LARS2: variants seen among roughly 807,000 people sequenced by gnomAD.
The protein encoded by LARS2 is leucine--tRNA ligase, mitochondrial.
A neutral mutation model predicts 116.6 loss-of-function variants in LARS2; 81 were observed. The ratio of observed to expected loss-of-function variants is 0.69; its 90% confidence interval spans 0.58 to 0.84. LARS2 has a LOEUF of 0.84. Among genes scored for constraint, LARS2 ranks in the 40% least tolerant of loss-of-function variants. The pLI is 0.00. For synonymous variants in LARS2, 396 were observed against 407.2 expected, an observed-to-expected ratio of 0.97 and a Z score of 0.33; for missense variants, 968 against 1,114.5, an observed-to-expected ratio of 0.87 and a Z score of 1.87.
intron 3 of LARS2, among the ~76,000 whole-genome samples, chr3:45,395,853 T>C (rs770083821): frequency 6.6e-6 from 1 of 151,958 alleles, no homozygotes; most frequent in African/African-American, 2.4e-5. Flanking sequence ...ACAAGTAAAA[T>C]GAAATGAAAA....
At chr3:45,510,836 G>A (rs1038420600) in intron 15 of LARS2, among the ~76,000 whole-genome samples, 8 of 152,188 alleles carry the variant, frequency 5.3e-5, no homozygotes, top group African/African-American at 1.9e-4. Context: ...GCATTGGTTT[G>A]GTTCAGTGAT....
At chr3:45,535,169 A>G (rs1700681962) in intron 20 of LARS2, among the ~76,000 whole-genome samples, 1 of 152,104 alleles carries the variant, frequency 6.6e-6, no homozygotes, top group South Asian at 2.1e-4. Flanking sequence ...CCAACATGGT[A>G]AAACTCTGTC....
At chr3:45,431,461 T>G (rs573415130) in intron 6 of LARS2, among the ~76,000 whole-genome samples, 1 of 152,348 alleles carries the variant, frequency 6.6e-6, no homozygotes, top group African/African-American at 2.4e-5. Flanking sequence ...AAAAAACAAC[T>G]ATTACTTTAT....
intron 16 of LARS2, among the ~76,000 whole-genome samples, chr3:45,513,690 A>G (rs1700327872): frequency 6.6e-6 from 1 of 152,122 alleles, no homozygotes; most frequent in Non-Finnish European, 1.5e-5. Context: ...ACCCCAGAGC[A>G]GCCCCCTCTT....
chr3:45,415,858 AAAATATAT>A (rs1698406844), intron 4 of LARS2, among the ~76,000 whole-genome samples: 2 of 100,158 alleles, frequency 2.0e-5, no homozygotes. Context: ...AAAAAAAAAA[AAAATATAT>A]ATATATATAT....
chr3:45,519,263 G>T (rs372909660), intron 18 of LARS2, among the ~76,000 whole-genome samples: 1 of 151,848 alleles, frequency 6.6e-6, no homozygotes, highest in Admixed American at 6.6e-5. Flanking sequence ...AGGCCAAGGC[G>T]GGCAGATCAC....
At chr3:45,540,759 T>C (rs1349806857) in intron 20 of LARS2, among the ~76,000 whole-genome samples, 1 of 149,026 alleles carries the variant, frequency 6.7e-6, no homozygotes, top group African/African-American at 2.5e-5. Flanking sequence ...TATCTATCTA[T>C]CTATCTATCT....
chr3:45,415,347 C>G (rs973029719), intron 4 of LARS2, among the ~76,000 whole-genome samples: 6 of 152,128 alleles, frequency 3.9e-5, no homozygotes, highest in African/African-American at 1.4e-4. Context: ...ATACTAGTGG[C>G]CAACATTATA....
In LARS2 at chr3:45,422,212, T is replaced by C. The variant is rs776463759; in HGVS notation, c.516+2483T>C. Reference sequence around the variant, plus strand: ...TTGTATTTCCTTTATTATTAGTGATTGTGAGGTTTTTTCATGTGTTTAATG... The same window carrying C: ...TTGTATTTCCTTTATTATTAGTGATCGTGAGGTTTTTTCATGTGTTTAATG... On this transcript the variant is annotated intron_variant, in intron 6 of 21. Coordinates refer to ENST00000645846, the MANE Select transcript of LARS2 (RefSeq NM_015340.4). 17 of 152,218 alleles carry C rather than the reference T, an allele frequency of 1.1e-4. 1 individual carries two copies. Among genetic ancestry groups the C allele is most frequent in the Admixed American group, 1.1e-3 (17 of 15,274 alleles). The allele number at this position is 152,218 out of a possible 1,614,324, so 9.4% of individuals were successfully genotyped here. A position where few individuals can be genotyped will look rare whatever the true frequency, so the allele number is the denominator to read the frequency against.
At chr3:45,472,918 G>A (rs1332082558) in intron 8 of LARS2, among the ~76,000 whole-genome samples, 1 of 152,218 alleles carries the variant, frequency 6.6e-6, no homozygotes, top group Non-Finnish European at 1.5e-5. Context: ...GAAGTATTCT[G>A]CAAAGGTTAT....
At chr3:45,543,459 T>G (rs1700826422) in intron 21 of LARS2, among the ~76,000 whole-genome samples, 1 of 149,230 alleles carries the variant, frequency 6.7e-6, no homozygotes, top group Non-Finnish European at 1.5e-5. Flanking sequence ...AATTTTTTTT[T>G]TTTATTTTTT....
At chr3:45,523,944 C>T in intron 19 of LARS2, 53 bp from the exon 20 acceptor site, 2 of 1,298,708 alleles carry the variant, frequency 1.5e-6, no homozygotes, top group South Asian at 1.2e-5. Context: ...GTCTTTCTTA[C>T]CCGTGCTTAT....
chr3:45,445,653 A>G (rs1270225360), intron 6 of LARS2, among the ~76,000 whole-genome samples: 1 of 152,246 alleles, frequency 6.6e-6, no homozygotes, highest in Non-Finnish European at 1.5e-5. Flanking sequence ...GTGGGAAGGT[A>G]GAGCCAATAG....
chr3:45,407,212 G>A (rs1455798410), intron 4 of LARS2, among the ~76,000 whole-genome samples: 1 of 152,158 alleles, frequency 6.6e-6, no homozygotes, highest in African/African-American at 2.4e-5. Context: ...AGGAAGCAAG[G>A]GAAGTTCTTA....
At chr3:45,444,616 A>G (rs1422681028) in intron 6 of LARS2, among the ~76,000 whole-genome samples, 1 of 122,380 alleles carries the variant, frequency 8.2e-6, no homozygotes, top group African/African-American at 2.8e-5. Context: ...GTGAGCCGAG[A>G]TCCCGCCACT....
chr3:45,432,763 G>A (rs1323778865), intron 6 of LARS2, among the ~76,000 whole-genome samples: 1 of 151,914 alleles, frequency 6.6e-6, no homozygotes, highest in African/African-American at 2.4e-5. Context: ...GCAGAAGAAG[G>A]AAATAAATAT....
intron 4 of LARS2, among the ~76,000 whole-genome samples, chr3:45,409,592 C>T (rs1468221534): frequency 6.6e-6 from 1 of 152,150 alleles, no homozygotes; most frequent in East Asian, 1.9e-4. Context: ...TGTTGTAGGT[C>T]TTCACTTTGT....
At chr3:45,390,810 G>A (rs1275727155) in intron 1 of LARS2, among the ~76,000 whole-genome samples, 2 of 151,460 alleles carry the variant, frequency 1.3e-5, no homozygotes, top group East Asian at 3.9e-4. Context: ...CCGCCACCAC[G>A]CCCAGCTAAT....
At chr3:45,540,650 G>A (rs751719262) in intron 20 of LARS2, among the ~76,000 whole-genome samples, 1 of 152,210 alleles carries the variant, frequency 6.6e-6, no homozygotes, top group South Asian at 2.1e-4. Flanking sequence ...GCCCACTTCT[G>A]CCCAGGGATC....
Sources: gnomAD v4.1 joint callset for allele counts (sites outside exome capture counted in the v4.1 genomes callset) on GRCh38, gnomAD v4.1.1 for gene constraint, MANE v1.5 for transcripts, NCBI Gene and HGNC (gene_info 2026-07-23, HGNC 2026-07-21) for gene names.